The following HHAT variants were observed in gnomAD, a reference collection of about 807,000 sequenced individuals.
HHAT encodes protein-cysteine N-palmitoyltransferase HHAT.
HHAT carries 47 observed loss-of-function variants against 70.8 expected under a neutral mutation model. The observed-to-expected ratio is 0.66, with a 90% CI of 0.53 to 0.85. The LOEUF is 0.85. HHAT is among the 40% of genes least tolerant of loss of function. The pLI is 0.00. For synonymous variants in HHAT, 228 were observed against 247.6 expected (o/e 0.92, Z 0.74); for missense variants, 609 against 604.8 (o/e 1.01, Z -0.07).
chr1:210,645,338 C>A (rs1034140353), intron 11 of HHAT, among the ~76,000 whole-genome samples: 5 of 152,150 alleles, frequency 3.3e-5, no homozygotes, highest in Admixed American at 2.6e-4. Flanking sequence ...AGTTCGGTGG[C>A]ACGATCTCAG....
intron 7 of HHAT, among the ~76,000 whole-genome samples, chr1:210,436,489 T>C (rs1464824677): frequency 6.6e-6 from 1 of 151,796 alleles, no homozygotes; most frequent in Non-Finnish European, 1.5e-5. Context: ...TTGTTTTTTC[T>C]ATTTCTGTGA....
chr1:210,374,245 T>G (rs904915114), intron 3 of HHAT: 1 of 146,038 alleles, frequency 6.8e-6, no homozygotes, highest in African/African-American at 2.6e-5. Context: ...AAAGATTTAT[T>G]CGATCTGAAG....
intron 9 of HHAT, among the ~76,000 whole-genome samples, chr1:210,551,237 G>T (rs1231783295): frequency 6.7e-6 from 1 of 148,674 alleles, no homozygotes; most frequent in African/African-American, 2.5e-5. Context: ...TCTTAGTGCG[G>T]CCCGCTGCAA....
intron 9 of HHAT, among the ~76,000 whole-genome samples, chr1:210,535,703 C>A (rs1356451414): frequency 2.0e-5 from 3 of 152,076 alleles, no homozygotes; most frequent in East Asian, 3.9e-4. Flanking sequence ...GCGTGCATCC[C>A]TTCTTGTGCT....
At chr1:210,553,152 G>A (rs1353522354) in intron 9 of HHAT, among the ~76,000 whole-genome samples, 2 of 152,202 alleles carry the variant, frequency 1.3e-5, no homozygotes, top group Non-Finnish European at 2.9e-5. Context: ...TGGAACCTAT[G>A]TCTTGGATCC....
intron 8 of HHAT, among the ~76,000 whole-genome samples, chr1:210,481,287 A>C (rs745934117): frequency 1.3e-5 from 2 of 152,212 alleles, no homozygotes; most frequent in Non-Finnish European, 2.9e-5. Flanking sequence ...CTGATAATAC[A>C]TAACTTTGTT....
intron 11 of HHAT, among the ~76,000 whole-genome samples, chr1:210,625,144 C>T (rs1207820674): frequency 2.0e-5 from 3 of 152,126 alleles, no homozygotes; most frequent in Non-Finnish European, 4.4e-5. Flanking sequence ...GTTTTCTGTG[C>T]GATGTTTTAG....
intron 7 of HHAT, among the ~76,000 whole-genome samples, chr1:210,420,925 C>G (rs779633626): frequency 6.6e-6 from 1 of 151,982 alleles, no homozygotes; most frequent in Non-Finnish European, 1.5e-5. Flanking sequence ...TATATGTATT[C>G]TGAAATAAGT....
At chr1:210,587,314 A>C (rs552705265) in intron 9 of HHAT, among the ~76,000 whole-genome samples, 1 of 152,366 alleles carries the variant, frequency 6.6e-6, no homozygotes, top group African/African-American at 2.4e-5. Context: ...ACATGGCGCC[A>C]GGCCGGAGAG....
chr1:210,404,887 C>T (rs189252719), intron 6 of HHAT, among the ~76,000 whole-genome samples: 129 of 152,196 alleles, frequency 8.5e-4, no homozygotes, highest in African/African-American at 2.9e-3. Flanking sequence ...TCAGATATGT[C>T]AGCTCTAGGG....
intron 9 of HHAT, among the ~76,000 whole-genome samples, chr1:210,552,329 A>T (rs1177662406): frequency 6.6e-6 from 1 of 152,220 alleles, no homozygotes; most frequent in Non-Finnish European, 1.5e-5. Context: ...CTTGTTTAAA[A>T]TGTAGGTAAC....
chr1:210,558,042 A>G (rs566312278), intron 9 of HHAT, among the ~76,000 whole-genome samples: 146 of 152,326 alleles, frequency 9.6e-4, no homozygotes, highest in African/African-American at 3.4e-3. Context: ...CTGGATCCCT[A>G]GGGTTTTTTC....
chr1:210,608,265 T>G (rs1665918065), intron 10 of HHAT, among the ~76,000 whole-genome samples: 1 of 152,172 alleles, frequency 6.6e-6, no homozygotes, highest in Non-Finnish European at 1.5e-5. Flanking sequence ...CAACTGATTG[T>G]TTTTGTATGG....
chr1:210,608,163 G>T (rs1419951195), intron 10 of HHAT, among the ~76,000 whole-genome samples: 2 of 152,068 alleles, frequency 1.3e-5, no homozygotes, highest in South Asian at 2.1e-4. Flanking sequence ...GAGATTCCTC[G>T]TACATGTGTG....
intron 9 of HHAT, among the ~76,000 whole-genome samples, chr1:210,583,198 A>G (rs1385958759): frequency 6.6e-6 from 1 of 152,178 alleles, no homozygotes; most frequent in Non-Finnish European, 1.5e-5. Flanking sequence ...ACTGTCTACT[A>G]TTTATATAGA....
chr1:210,501,343 G>A (rs953167468), intron 8 of HHAT, among the ~76,000 whole-genome samples: 1 of 152,176 alleles, frequency 6.6e-6, no homozygotes. Context: ...TCTCCTCCCC[G>A]TTCTCCCTTT....
intron 1 of HHAT, among the ~76,000 whole-genome samples, chr1:210,333,027 A>G (rs912774726): frequency 1.3e-5 from 2 of 152,216 alleles, no homozygotes; most frequent in African/African-American, 4.8e-5. Context: ...TGGAAGTGGT[A>G]AATAATGGGC....
intron 7 of HHAT, among the ~76,000 whole-genome samples, chr1:210,420,219 C>T (rs901013972): frequency 6.6e-6 from 1 of 152,182 alleles, no homozygotes; most frequent in East Asian, 1.9e-4. Context: ...GTTAACACCT[C>T]GTCGTATGAA....
intron 7 of HHAT, among the ~76,000 whole-genome samples, chr1:210,447,822 T>C (rs766642067): frequency 1.3e-5 from 2 of 152,190 alleles, no homozygotes; most frequent in African/African-American, 2.4e-5. Flanking sequence ...TCTGGTAATA[T>C]AGATCTGTCT....
Sources: gnomAD v4.1 joint callset for allele counts (sites outside exome capture counted in the v4.1 genomes callset) on GRCh38, gnomAD v4.1.1 for gene constraint, MANE v1.5 for transcripts, NCBI Gene and HGNC (gene_info 2026-07-23, HGNC 2026-07-21) for gene names.